Variants in EHD1 observed in about 807,000 individuals in gnomAD.
EHD1 encodes the protein EH domain-containing protein 1.
A neutral mutation model predicts 39.0 loss-of-function variants in EHD1; 19 were observed. That is an observed-to-expected ratio of 0.49 (90% CI 0.34 to 0.72). The LOEUF (loss-of-function observed/expected upper bound fraction) is 0.72. EHD1 is among the 30% of genes least tolerant of loss of function. The pLI is 0.01. For missense variants in EHD1, 542 were observed against 751.5 expected, an observed-to-expected ratio of 0.72 and a Z score of 3.26; for synonymous variants, 323 against 331.2, an observed-to-expected ratio of 0.98 and a Z score of 0.27.
chr11:64,862,319 T>C (rs996345279), intron 2 of EHD1, among the ~76,000 whole-genome samples: 1 of 152,312 alleles, frequency 6.6e-6, no homozygotes, highest in Admixed American at 6.5e-5. Context: ...AAATTCCTCC[T>C]AAAGGAAGGA....
chr11:64,873,217 G>A (rs1227037910), intron 2 of EHD1, among the ~76,000 whole-genome samples: 3 of 152,236 alleles, frequency 2.0e-5, no homozygotes, highest in Non-Finnish European at 1.5e-5. Context: ...TGGGCACGGT[G>A]CACTACTGCA....
At chr11:64,870,872 C>A (rs762840000) in intron 2 of EHD1, among the ~76,000 whole-genome samples, 1 of 152,182 alleles carries the variant, frequency 6.6e-6, no homozygotes, top group Non-Finnish European at 1.5e-5. Context: ...CACAGGAGAA[C>A]GGTATCTTTA....
chr11:64,869,977 C>T (rs1052795711), intron 2 of EHD1, among the ~76,000 whole-genome samples: 2 of 152,206 alleles, frequency 1.3e-5, no homozygotes, highest in Admixed American at 6.5e-5. Context: ...AGGATCAGGA[C>T]AGCTCCCAGG....
chr11:64,858,466 G>A (rs1291729162), intron 3 of EHD1, among the ~76,000 whole-genome samples: 2 of 152,176 alleles, frequency 1.3e-5, no homozygotes, highest in Non-Finnish European at 2.9e-5. Flanking sequence ...TGGAATTACA[G>A]GATGAGCCAC....
rs1296665817 is a variant in EHD1 at position 64,878,589 on chromosome 11, C to G, written c.-125G>C. ...GAGCGACCCACACTGCGCAGGCGCACAGCCCAGCCCGTCGAAGCGCCCTCT... is the reference window on the plus strand; with the variant it reads ...GAGCGACCCACACTGCGCAGGCGCAGAGCCCAGCCCGTCGAAGCGCCCTCT... On this transcript the variant is annotated 5_prime_UTR_variant, in exon 1 of 5. Coordinates refer to ENST00000320631, the MANE Select transcript of EHD1 (RefSeq NM_006795.4). The G allele has an allele frequency of 7.0e-7, 1 of 1,428,590 alleles. No individual in the cohort carries two copies. Among genetic ancestry groups the G allele is most frequent in the Non-Finnish European group, 9.1e-7 (1 of 1,097,092 alleles). The allele number at this position is 1,428,590 out of a possible 1,614,324, so 88.5% of individuals were successfully genotyped here.
intron 3 of EHD1, among the ~76,000 whole-genome samples, chr11:64,858,933 G>A (rs538084732): frequency 1.2e-4 from 18 of 152,308 alleles, no homozygotes; most frequent in Admixed American, 4.6e-4. Context: ...CTGCCTCAGC[G>A]TGACCTTGGC....
In EHD1 at chr11:64,853,846, C is replaced by T. The variant is rs538123874; in HGVS notation, c.*487G>A. Reference sequence around the variant, plus strand: ...CAAGAACCCACTTCGCCCGAGAGCACGGGGGAGGCAGAGCCAGGTGAGGAA... The same window carrying T: ...CAAGAACCCACTTCGCCCGAGAGCATGGGGGAGGCAGAGCCAGGTGAGGAA... On this transcript the variant is annotated 3_prime_UTR_variant, in exon 5 of 5. Transcript: ENST00000320631. 1.5e-4 allele frequency: 24 copies of T among 162,080 alleles called. No individual in the cohort carries two copies. The South Asian group carries it at 1.5e-3, about 10-fold the overall frequency. 10.0% of individuals were successfully genotyped at this position (162,080 alleles called of 1,614,324 possible).
At chr11:64,865,850 A>G (rs958623265) in intron 2 of EHD1, among the ~76,000 whole-genome samples, 1 of 152,236 alleles carries the variant, frequency 6.6e-6, no homozygotes, top group Non-Finnish European at 1.5e-5. Flanking sequence ...TAAAAAGTCT[A>G]AAAATAACAG....
chr11:64,878,909 G>C (rs923636728), upstream of EHD1: 1 of 1,031,044 alleles, frequency 9.7e-7, no homozygotes, highest in South Asian at 3.8e-5. Flanking sequence ...GGCGTTCGGC[G>C]GAGACGGCCT....
chr11:64,854,007 T>C lies in EHD1; in HGVS notation c.*326A>G. ...CCCCACGGTCGCAGTCGCTGCACTG[T>C]CCAGCTCCAGCCACAGCAAAGGCCG... On this transcript the variant is annotated 3_prime_UTR_variant, in exon 5 of 5. Coordinates refer to ENST00000320631, the MANE Select transcript of EHD1 (RefSeq NM_006795.4). 1 of 434,094 alleles carries C rather than the reference T, an allele frequency of 2.3e-6. No individual in the cohort carries two copies. The highest frequency in any genetic ancestry group is 4.2e-6 in the Non-Finnish European group (1 of 235,310). 26.9% of individuals were successfully genotyped at this position (434,094 alleles called of 1,614,324 possible). A position where few individuals can be genotyped will look rare whatever the true frequency, so the allele number is the denominator to read the frequency against.
chr11:64,875,858 C>T (rs910245702), intron 1 of EHD1, among the ~76,000 whole-genome samples: 20 of 152,190 alleles, frequency 1.3e-4, no homozygotes, highest in Non-Finnish European at 1.5e-5. Context: ...CCTGGCCTTC[C>T]TGCTGGGGAC....
chr11:64,857,527 C>T (rs78876565), intron 3 of EHD1, among the ~76,000 whole-genome samples: 3,282 of 152,302 alleles, frequency 0.022, 114 homozygotes, highest in African/African-American at 0.074. Context: ...ACACAGCTCA[C>T]GGAGGTTCAG....
rs528116672 is a variant in EHD1 at position 64,862,081 on chromosome 11, A to C, written c.503-1745T>G. Among the ~76,000 whole-genome samples the C allele has an allele frequency of 3.3e-5, 5 of 152,086 alleles. No individual in the cohort carries two copies. In the South Asian group the frequency reaches 1.0e-3, roughly 32 times the overall value. On this transcript the variant is annotated intron_variant, in intron 2 of 4. Coordinates refer to ENST00000320631, the MANE Select transcript of EHD1 (RefSeq NM_006795.4). ...GTGCCACCATGTCTGGCTAATTTTTAAATTTTTATTTTGTAGAGATGGGGG... is the reference window on the plus strand; with the variant it reads ...GTGCCACCATGTCTGGCTAATTTTTCAATTTTTATTTTGTAGAGATGGGGG...
intron 3 of EHD1, among the ~76,000 whole-genome samples, chr11:64,858,947 C>T (rs992222679): frequency 2.6e-5 from 4 of 152,310 alleles, no homozygotes; most frequent in Non-Finnish European, 4.4e-5. Flanking sequence ...CCTTGGCTTC[C>T]ATGCACAGTG....
chr11:64,876,944 G>T (rs991622199), intron 1 of EHD1, among the ~76,000 whole-genome samples: 1 of 152,248 alleles, frequency 6.6e-6, no homozygotes, highest in Non-Finnish European at 1.5e-5. Flanking sequence ...CCTGGAGTAG[G>T]CCTGGCCACC....
At position 64,860,038 on chromosome 11, in the gene EHD1, G is replaced by A. The variant is rs1261904079; in HGVS notation, c.801C>T (p.Asn267=). 1.2e-6 allele frequency: 2 copies of A among 1,614,154 alleles called. No homozygotes were observed. The highest frequency in any genetic ancestry group is 2.2e-5 in the East Asian group (1 of 44,882). Residue 267 remains asparagine, a synonymous_variant, in exon 3 of 5, where the codon AAC becomes AAT. Coordinates refer to ENST00000320631, the MANE Select transcript of EHD1 (RefSeq NM_006795.4). The stretch of plus-strand genomic sequence containing the variant: ...GCTCCTCGGCCTCAAAGAGCTTGCG[G>A]TTGTCGGGGATGAGGAGCGGGTGGG... The part of the protein sequence containing the change: ...FWSHPLLIPD[N]RKLFEAEEQD...
At chr11:64,872,760 G>C (rs367558149) in intron 2 of EHD1, among the ~76,000 whole-genome samples, 1 of 152,158 alleles carries the variant, frequency 6.6e-6, no homozygotes, top group African/African-American at 2.4e-5. Context: ...GGCAAGGCCC[G>C]CAAGGCTGGA....
chr11:64,865,742 C>T (rs551662072), intron 2 of EHD1, among the ~76,000 whole-genome samples: 20 of 152,196 alleles, frequency 1.3e-4, no homozygotes, highest in South Asian at 4.1e-4. Context: ...ACGCGGCCAA[C>T]GAGCATATGA....
In EHD1 at chr11:64,854,507, G is replaced by T. The variant is rs985353293; in HGVS notation, c.1431C>A (p.Pro477=). Residue 477 remains proline, a synonymous_variant, in exon 5 of 5, where the codon CCC becomes CCA. Coordinates refer to ENST00000320631, the MANE Select transcript of EHD1 (RefSeq NM_006795.4). Reference sequence around the variant, plus strand: ...TCCAGATCTTCCCTAGCACGGTGTTGGGGAGCTTGGACTTCACCATCTCCT... The same window carrying T: ...TCCAGATCTTCCCTAGCACGGTGTTTGGGAGCTTGGACTTCACCATCTCCT... ...AKKEMVKSKL[P]NTVLGKIWKL... 6.2e-7 allele frequency: 1 copy of T among 1,614,160 alleles called. No homozygotes were observed. Among genetic ancestry groups the T allele is most frequent in the African/African-American group, 1.3e-5 (1 of 75,048 alleles).
Sources: allele counts gnomAD v4.1 joint callset (sites outside exome capture counted in the v4.1 genomes callset), GRCh38; gene constraint gnomAD v4.1.1; transcripts MANE v1.5; gene names NCBI Gene and HGNC (gene_info 2026-07-23, HGNC 2026-07-21).